The following AP2B1 variants were observed in gnomAD, a reference collection of about 807,000 sequenced individuals.
The protein encoded by AP2B1 is AP-2 complex subunit beta.
In AP2B1, 23 loss-of-function variants were observed where a neutral mutation model predicts 102.0. That is an observed-to-expected ratio of 0.23 (90% CI 0.16 to 0.32). The LOEUF (loss-of-function observed/expected upper bound fraction) is 0.32, where lower values mean the gene tolerates loss of function less well. Ranked by LOEUF, AP2B1 falls within the 10% of genes least tolerant of loss-of-function variation. AP2B1 has a pLI of 1.00. For missense variants in AP2B1, 541 were observed against 1,157.4 expected (o/e 0.47, Z 7.73); for synonymous variants, 381 against 421.2 (o/e 0.90, Z 1.17).
chr17:35,668,370 A>G (rs968559644), intron 14 of AP2B1, among the ~76,000 whole-genome samples: 1 of 152,170 alleles, frequency 6.6e-6, no homozygotes, highest in African/African-American at 2.4e-5. Context: ...CATTAGAATC[A>G]ACTGGGGAAG....
chr17:35,677,551 A>G lies in AP2B1; in HGVS notation c.2324+3230A>G, dbSNP rs183413060. On this transcript the variant is annotated intron_variant, in intron 17 of 21. Transcript: ENST00000610402. ...GAAATCAGATGGCCTAAGTCCTGCA[A>G]CTTTTTTTCTTTTCAAAGCTTGTTT... Among the ~76,000 whole-genome samples, 4 of 152,272 alleles carry G rather than the reference A, an allele frequency of 2.6e-5. No homozygotes were observed. In the East Asian group the frequency reaches 7.7e-4, roughly 29 times the overall value.
intron 5 of AP2B1, among the ~76,000 whole-genome samples, chr17:35,614,655 T>TAA (rs3031833): frequency 0.14 from 12,578 of 93,070 alleles, 1,251 homozygotes; most frequent in South Asian, 0.26. Context: ...GTTGAATTAG[T>TAA]AAAAAAAAAA....
intron 20 of AP2B1, among the ~76,000 whole-genome samples, chr17:35,712,214 G>A (rs1384908047): frequency 5.9e-5 from 9 of 152,132 alleles, no homozygotes; most frequent in African/African-American, 2.2e-4. Flanking sequence ...TCCTATTAGA[G>A]GAGCCACCTC....
chr17:35,684,148 A>G (rs1427402042), intron 18 of AP2B1, among the ~76,000 whole-genome samples: 2 of 152,186 alleles, frequency 1.3e-5, no homozygotes, highest in East Asian at 3.8e-4. Flanking sequence ...CCCCCAGCTG[A>G]AAAGAAAGTC....
chr17:35,596,823 C>G, intron 2 of AP2B1: 2 of 654,226 alleles, frequency 3.1e-6, no homozygotes, highest in Non-Finnish European at 5.7e-6. Context: ...TGCCAGGCCC[C>G]GCAGGCGCTG....
chr17:35,619,534 A>G (rs1286063924), intron 5 of AP2B1, among the ~76,000 whole-genome samples: 1 of 152,066 alleles, frequency 6.6e-6, no homozygotes, highest in Non-Finnish European at 1.5e-5. Context: ...AGGAAATATC[A>G]TATTGAAGAG....
chr17:35,662,537 T>G (rs1456250267), intron 14 of AP2B1, among the ~76,000 whole-genome samples: 75 of 150,044 alleles, frequency 5.0e-4, no homozygotes, highest in African/African-American at 1.6e-3. Flanking sequence ...GGTTTGTTTT[T>G]TTTTTTTTTT....
intron 20 of AP2B1, among the ~76,000 whole-genome samples, chr17:35,712,224 C>G (rs782571941): frequency 3.9e-5 from 6 of 152,196 alleles, no homozygotes; most frequent in Non-Finnish European, 8.8e-5. Flanking sequence ...GGAGCCACCT[C>G]TGTACCCAGC....
chr17:35,722,608 T>TTTGCACTATGTTAAA (rs2085433565), intron 21 of AP2B1, among the ~76,000 whole-genome samples: 1 of 152,192 alleles, frequency 6.6e-6, no homozygotes, highest in African/African-American at 2.4e-5. Context: ...TAGTCTCACT[T>TTTGCACTATGTTAAA]TTGCACTATG....
intron 14 of AP2B1, among the ~76,000 whole-genome samples, chr17:35,668,583 TC>T (rs2075520179): frequency 6.6e-6 from 1 of 152,184 alleles, no homozygotes; most frequent in African/African-American, 2.4e-5. Flanking sequence ...CTAAGAAACC[TC>T]CAGGTTTTTA....
intron 10 of AP2B1, among the ~76,000 whole-genome samples, chr17:35,637,579 A>G (rs2142703833): frequency 6.6e-6 from 1 of 152,294 alleles, no homozygotes; most frequent in Non-Finnish European, 1.5e-5. Flanking sequence ...TTGGCAAGGT[A>G]GTGGTTTATT....
chr17:35,668,167 C>T (rs2075510065), intron 14 of AP2B1, among the ~76,000 whole-genome samples: 1 of 151,996 alleles, frequency 6.6e-6, no homozygotes, highest in Non-Finnish European at 1.5e-5. Context: ...GAACTCCTGA[C>T]CTCAGGTGAT....
intron 5 of AP2B1, among the ~76,000 whole-genome samples, chr17:35,608,838 A>G (rs553868869): frequency 2.0e-5 from 3 of 152,316 alleles, no homozygotes; most frequent in East Asian, 1.9e-4. Context: ...TTTTTAGCCA[A>G]CTTGGTTATG....
At chr17:35,617,593 G>T in intron 5 of AP2B1, among the ~76,000 whole-genome samples, 1 of 152,100 alleles carries the variant, frequency 6.6e-6, no homozygotes, top group Non-Finnish European at 1.5e-5. Flanking sequence ...CTTTTACAAG[G>T]TAATTATTCA....
At chr17:35,626,359 T>C (rs1017554156) in intron 6 of AP2B1, among the ~76,000 whole-genome samples, 3 of 152,064 alleles carry the variant, frequency 2.0e-5, no homozygotes, top group African/African-American at 7.2e-5. Context: ...TCTTGGGTAT[T>C]GCTAGGTTCT....
intron 9 of AP2B1, among the ~76,000 whole-genome samples, chr17:35,629,146 C>T (rs973875463): frequency 6.6e-6 from 1 of 152,042 alleles, no homozygotes; most frequent in Non-Finnish European, 1.5e-5. Flanking sequence ...ACGAGGTTCG[C>T]CATGTTGGCT....
chr17:35,643,630 C>T (rs775041272), intron 12 of AP2B1, among the ~76,000 whole-genome samples: 3 of 152,140 alleles, frequency 2.0e-5, no homozygotes, highest in Non-Finnish European at 2.9e-5. Flanking sequence ...CTGAAATTCA[C>T]CTCTGAATCA....
Position 35,650,761 on chromosome 17 carries a change from C to T in AP2B1, c.1768C>T (p.Arg590Cys). 6.2e-7 allele frequency: 1 copy of T among 1,614,172 alleles called. No individual in the cohort carries two copies. Among genetic ancestry groups the T allele is most frequent in the Non-Finnish European group, 8.5e-7 (1 of 1,180,022 alleles). ...AFVEGSHGIHRKHLPIHHGST... is the reference protein window; with the variant it reads ...AFVEGSHGIHCKHLPIHHGST... ...TGTGGAAGGAAGTCATGGAATTCATCGTAAACACTTGCCAATTCATCATGG... is the reference window on the plus strand; with the variant it reads ...TGTGGAAGGAAGTCATGGAATTCATTGTAAACACTTGCCAATTCATCATGG... Residue 590 changes from arginine (R) to cysteine (C), a missense_variant, in exon 13 of 22, where the codon CGT becomes TGT. This residue lies in a region of AP2B1 where 106 missense variants were observed against 296.4 expected (regional missense o/e 0.36). Transcript: ENST00000610402.
At chr17:35,660,481 CTTTTTTTT>C (rs71366472) in intron 14 of AP2B1, among the ~76,000 whole-genome samples, 2 of 127,756 alleles carry the variant, frequency 1.6e-5, no homozygotes, top group Non-Finnish European at 1.6e-5. Context: ...TTTTCTCTCT[CTTTTTTTT>C]TTTTTTTTTT....
Sources: allele counts gnomAD v4.1 joint callset (sites outside exome capture counted in the v4.1 genomes callset), GRCh38; gene constraint gnomAD v4.1.1; regional missense constraint gnomAD v4.1.1; transcripts MANE v1.5; gene names NCBI Gene and HGNC (gene_info 2026-07-23, HGNC 2026-07-21).